Variants in UPP2 observed in about 807,000 individuals in gnomAD.
UPP2 encodes uridine phosphorylase 2.
A neutral mutation model predicts 26.7 loss-of-function variants in UPP2; 23 were observed. The observed-to-expected ratio is 0.86, with a 90% CI of 0.62 to 1.22. The LOEUF is 1.22. UPP2 is among the 50% of genes most tolerant of loss of function. The probability of loss-of-function intolerance (pLI) is 0.00; values close to 1 mark genes in which losing one functional copy is unlikely to be tolerated. For missense variants in UPP2, 387 were observed against 396.7 expected (o/e 0.98, Z 0.21); for synonymous variants, 127 against 141.3 (o/e 0.90, Z 0.72).
chr2:158,070,548 C>A (rs1471799727), intron 3 of UPP2, among the ~76,000 whole-genome samples: 1 of 152,246 alleles, frequency 6.6e-6, no homozygotes, highest in South Asian at 2.1e-4. Context: ...AATGTTCTTT[C>A]CTCTCTGCCA....
intron 3 of UPP2, among the ~76,000 whole-genome samples, chr2:158,071,893 G>C (rs1008008039): frequency 6.6e-6 from 1 of 152,134 alleles, no homozygotes; most frequent in Non-Finnish European, 1.5e-5. Flanking sequence ...GACCCAGCAC[G>C]TTCCCAGCTG....
chr2:158,098,130 A>G (rs1683015664), upstream of UPP2, among the ~76,000 whole-genome samples: 1 of 152,214 alleles, frequency 6.6e-6, no homozygotes, highest in Admixed American at 6.5e-5. Context: ...AGGATAGGAT[A>G]TAAGGGAAAT....
intron 2 of UPP2, among the ~76,000 whole-genome samples, chr2:158,113,310 C>G (rs150859953): frequency 6.6e-6 from 1 of 152,212 alleles, no homozygotes; most frequent in Non-Finnish European, 1.5e-5. Context: ...AACTACCGTA[C>G]TGTGTTAAAA....
chr2:158,115,333 G>T, intron 3 of UPP2, 74 bp downstream of exon 3: 1 of 1,474,730 alleles, frequency 6.8e-7, no homozygotes, highest in Non-Finnish European at 9.0e-7. Context: ...ACATGTAGGA[G>T]TTCTTTTTCC....
chr2:158,096,713 C>G (rs1682992118), intron 3 of UPP2, among the ~76,000 whole-genome samples: 1 of 152,042 alleles, frequency 6.6e-6, no homozygotes, highest in African/African-American at 2.4e-5. Context: ...ATGAATTAGA[C>G]CTATGCCTAA....
chr2:158,079,146 A>G (rs936461664), intron 3 of UPP2, among the ~76,000 whole-genome samples: 1 of 152,166 alleles, frequency 6.6e-6, no homozygotes, highest in Admixed American at 6.6e-5. Context: ...AGGCCTCCCC[A>G]GCCATGTGGA....
chr2:158,120,918 G>T (rs988567220), intron 4 of UPP2, among the ~76,000 whole-genome samples: 4 of 151,984 alleles, frequency 2.6e-5, no homozygotes, highest in South Asian at 2.1e-4. Context: ...AGACTTTGTA[G>T]CCATGGAAGG....
At chr2:158,118,822 G>A (rs560285714) in intron 4 of UPP2, among the ~76,000 whole-genome samples, 1 of 152,158 alleles carries the variant, frequency 6.6e-6, no homozygotes, top group South Asian at 2.1e-4. Flanking sequence ...AGGTGGAGAA[G>A]TGGTGTGTTC....
intron 2 of UPP2, among the ~76,000 whole-genome samples, chr2:158,001,950 T>C (rs1026514514): frequency 1.2e-5 from 1 of 85,634 alleles, no homozygotes; most frequent in Non-Finnish European, 2.1e-5. Flanking sequence ...CTGGGGAGAA[T>C]GAGCACCAAA....
At chr2:158,023,820 C>G (rs968128092) in intron 3 of UPP2, among the ~76,000 whole-genome samples, 1 of 152,176 alleles carries the variant, frequency 6.6e-6, no homozygotes, top group African/African-American at 2.4e-5. Flanking sequence ...GTTGCCAGGT[C>G]ACTGTGGTGG....
intron 3 of UPP2, among the ~76,000 whole-genome samples, chr2:158,056,654 C>T (rs551000999): frequency 6.6e-6 from 1 of 152,302 alleles, no homozygotes; most frequent in African/African-American, 2.4e-5. Flanking sequence ...TTTCCAATCC[C>T]TGCCTTCACC....
intron 3 of UPP2, among the ~76,000 whole-genome samples, chr2:158,115,964 G>A (rs947555977): frequency 6.6e-6 from 1 of 152,168 alleles, no homozygotes; most frequent in Non-Finnish European, 1.5e-5. Context: ...CTCAAAAGAG[G>A]CACAGGCAGG....
At chr2:158,111,712 A>T (rs1558935108) in intron 2 of UPP2, among the ~76,000 whole-genome samples, 1 of 151,708 alleles carries the variant, frequency 6.6e-6, no homozygotes, top group Non-Finnish European at 1.5e-5. Flanking sequence ...ATTTTTATTT[A>T]TCTGTTATAT....
At chr2:158,119,812 C>T (rs982229020) in intron 4 of UPP2, among the ~76,000 whole-genome samples, 5 of 151,700 alleles carry the variant, frequency 3.3e-5, no homozygotes, top group Admixed American at 2.0e-4. Flanking sequence ...GAGTTTGAGA[C>T]CAGCCTGGCC....
intron 3 of UPP2, among the ~76,000 whole-genome samples, chr2:158,041,970 T>G (rs1684087987): frequency 6.6e-6 from 1 of 152,226 alleles, no homozygotes; most frequent in Non-Finnish European, 1.5e-5. Flanking sequence ...AAAGCCTATC[T>G]AATCCCTGAC....
chr2:158,118,148 C>G (rs1683481703), intron 4 of UPP2, among the ~76,000 whole-genome samples: 1 of 151,846 alleles, frequency 6.6e-6, no homozygotes, highest in Non-Finnish European at 1.5e-5. Context: ...AGGGAGAGAT[C>G]TCACTGCCTA....
chr2:158,099,330 G>A (rs987551303), upstream of UPP2, among the ~76,000 whole-genome samples: 3 of 152,290 alleles, frequency 2.0e-5, no homozygotes, highest in Middle Eastern at 3.4e-3. Flanking sequence ...GCTCTCTCAA[G>A]CCATTGCTGG....
At position 158,135,373 on chromosome 2, in the gene UPP2, A is replaced by G. The variant is rs1041004345; in HGVS notation, c.*483A>G. 2 of 152,576 alleles carry G rather than the reference A, an allele frequency of 1.3e-5. No individual in the cohort carries two copies. Among genetic ancestry groups the G allele is most frequent in the African/African-American group, 2.4e-5 (1 of 41,462 alleles). 9.5% of individuals were successfully genotyped at this position (152,576 alleles called of 1,614,324 possible). On this transcript the variant is annotated 3_prime_UTR_variant, in exon 7 of 7. Coordinates refer to ENST00000005756, the MANE Select transcript of UPP2 (RefSeq NM_173355.4). ...TGTAGGTCTATATGGAAAAGTTACC[A>G]TTAGGAAAATATGGCCATACTGCTT...
At chr2:158,053,881 T>C (rs1682200918) in intron 3 of UPP2, among the ~76,000 whole-genome samples, 1 of 152,174 alleles carries the variant, frequency 6.6e-6, no homozygotes, top group South Asian at 2.1e-4. Context: ...GCTAATGCAG[T>C]GTTATTCCAA....
Sources: allele counts gnomAD v4.1 joint callset (sites outside exome capture counted in the v4.1 genomes callset), GRCh38; gene constraint gnomAD v4.1.1; transcripts MANE v1.5; gene names NCBI Gene and HGNC (gene_info 2026-07-23, HGNC 2026-07-21).